Variants in C8A observed in about 807,000 individuals in gnomAD.
C8A encodes the protein complement component C8 alpha chain.
C8A carries 67 observed loss-of-function variants against 65.3 expected under a neutral mutation model. That is an observed-to-expected ratio of 1.03 (90% CI 0.84 to 1.26). The LOEUF (loss-of-function observed/expected upper bound fraction) is 1.26, where lower values mean the gene tolerates loss of function less well. C8A is among the 50% of genes most tolerant of loss of function. The pLI, the probability that C8A is intolerant of heterozygous loss-of-function variation, is 0.00. For missense variants in C8A, 781 were observed against 723.9 expected (o/e 1.08, Z -0.90); for synonymous variants, 290 against 259.4 (o/e 1.12, Z -1.13).
chr1:56,905,811 A>C (rs893449123), intron 7 of C8A, among the ~76,000 whole-genome samples: 3 of 152,142 alleles, frequency 2.0e-5, no homozygotes, highest in Non-Finnish European at 4.4e-5. Flanking sequence ...AAAAGGTTGA[A>C]CTCTGTAGCA....
At chr1:56,875,182 C>T (rs1644186556) in intron 3 of C8A, 89 bp downstream of exon 3, 3 of 1,451,492 alleles carry the variant, frequency 2.1e-6, no homozygotes, top group African/African-American at 2.8e-5. Flanking sequence ...AATGCATACT[C>T]CTGAGCCCTT....
At chr1:56,912,306 T>A in intron 9 of C8A, 97 bp from the exon 10 acceptor site, 1 of 1,070,858 alleles carries the variant, frequency 9.3e-7, no homozygotes, top group Non-Finnish European at 1.4e-6. Flanking sequence ...GTGCCTGGCA[T>A]GTATCAGGCC....
At chr1:56,866,824 A>G (rs1265113024) in intron 1 of C8A, among the ~76,000 whole-genome samples, 1 of 152,158 alleles carries the variant, frequency 6.6e-6, no homozygotes, top group Non-Finnish European at 1.5e-5. Flanking sequence ...AGGGTAAGAG[A>G]AGGATCGTGG....
intron 3 of C8A, 56 bp from the exon 4 acceptor site, chr1:56,876,006 T>A (rs952035345): frequency 6.3e-7 from 1 of 1,593,182 alleles, no homozygotes; most frequent in Admixed American, 1.7e-5. Context: ...TGATTGTGGG[T>A]GTGAGTCTGG....
At chr1:56,862,506 C>T (rs143348352) in intron 1 of C8A, among the ~76,000 whole-genome samples, 159 of 152,246 alleles carry the variant, frequency 1.0e-3, no homozygotes, top group African/African-American at 3.6e-3. Flanking sequence ...GCAGTTCATC[C>T]AAATGTATTT....
intron 1 of C8A, among the ~76,000 whole-genome samples, chr1:56,855,964 A>G (rs1007452323): frequency 2.6e-5 from 4 of 152,238 alleles, no homozygotes; most frequent in Admixed American, 2.0e-4. Flanking sequence ...AAGGCAAGAG[A>G]ACTGTGTAAA....
At chr1:56,902,516 T>A (rs1334063421) in intron 7 of C8A, among the ~76,000 whole-genome samples, 2 of 152,186 alleles carry the variant, frequency 1.3e-5, no homozygotes, top group Non-Finnish European at 2.9e-5. Context: ...TAAAAATACT[T>A]TAACATGAAA....
intron 7 of C8A, among the ~76,000 whole-genome samples, chr1:56,899,420 G>A (rs1644410134): frequency 6.6e-6 from 1 of 152,154 alleles, no homozygotes; most frequent in African/African-American, 2.4e-5. Context: ...CTGGGCAAGT[G>A]ACAAGCTATC....
At chr1:56,865,607 C>A (rs1177744897) in intron 1 of C8A, among the ~76,000 whole-genome samples, 1 of 152,082 alleles carries the variant, frequency 6.6e-6, no homozygotes, top group African/African-American at 2.4e-5. Context: ...TTTCCTGGAA[C>A]ATCATTTTTT....
At chr1:56,884,343 A>G (rs921058178) in intron 6 of C8A, among the ~76,000 whole-genome samples, 1 of 152,140 alleles carries the variant, frequency 6.6e-6, no homozygotes, top group Non-Finnish European at 1.5e-5. Context: ...AGGGTGGGAA[A>G]GGAAAACAGA....
At position 56,886,131 on chromosome 1, in the gene C8A, A is replaced by G. The variant is rs866894793; in HGVS notation, c.1060A>G (p.Ile354Val). The part of the protein sequence containing the change: ...SGSMGGIYEY[I>V]LVIDKAKMES... ...ATCCATGGGTGGCATTTATGAATATATCCTGGTGATTGACAAAGCAAAAAT... is the reference window on the plus strand; with the variant it reads ...ATCCATGGGTGGCATTTATGAATATGTCCTGGTGATTGACAAAGCAAAAAT... The change falls in exon 7 of 11, where the codon ATC (isoleucine) becomes GTC (valine). Residue 354 changes from isoleucine to valine, a missense_variant. Physicochemically the swap from Ile to Val is conservative, Grantham distance 29. Coordinates refer to ENST00000361249, the MANE Select transcript of C8A (RefSeq NM_000562.3). 1 of 1,614,008 alleles carries G rather than the reference A, an allele frequency of 6.2e-7. No homozygotes were observed.
At position 56,906,914 on chromosome 1, in the gene C8A, T is replaced by C. The variant is rs1024686627; in HGVS notation, c.1222+122T>C. The C allele has an allele frequency of 1.5e-5, 19 of 1,230,642 alleles. No individual in the cohort carries two copies. The African/African-American group carries it at 2.6e-4, about 17-fold the overall frequency. 76.2% of individuals were successfully genotyped at this position (1,230,642 alleles called of 1,614,324 possible). A position where few individuals can be genotyped will look rare whatever the true frequency, so the allele number is the denominator to read the frequency against. On this transcript the variant is annotated intron_variant, in intron 8 of 10. Coordinates refer to ENST00000361249, the MANE Select transcript of C8A (RefSeq NM_000562.3). ...CATTTTAGTCAATGATCAGACTGCATAGACGCTAAATACCCCAAAACAATG... is the reference window on the plus strand; with the variant it reads ...CATTTTAGTCAATGATCAGACTGCACAGACGCTAAATACCCCAAAACAATG...
chr1:56,914,249 G>A (rs749586215), intron 10 of C8A, among the ~76,000 whole-genome samples: 1 of 152,156 alleles, frequency 6.6e-6, no homozygotes, highest in Non-Finnish European at 1.5e-5. Context: ...AGGGATTAGG[G>A]CTTAATGAGG....
chr1:56,911,064 G>GT (rs766157695), intron 9 of C8A, among the ~76,000 whole-genome samples: 9 of 79,626 alleles, frequency 1.1e-4, no homozygotes, highest in African/African-American at 2.0e-4. Flanking sequence ...GAAAAACATG[G>GT]GTTTTTTTTT....
intron 6 of C8A, among the ~76,000 whole-genome samples, chr1:56,885,348 ATATATTTATGTAAATATATATT>A (rs1461159773): frequency 0.029 from 2,583 of 88,048 alleles, 78 homozygotes; most frequent in African/African-American, 0.035. Context: ...TTACATAAAT[ATATATTTATGTAAATATATATT>A]TATATTTATT....
intron 7 of C8A, among the ~76,000 whole-genome samples, chr1:56,893,874 A>G (rs1212442220): frequency 1.3e-5 from 2 of 152,022 alleles, no homozygotes; most frequent in Non-Finnish European, 2.9e-5. Context: ...CAGTCATGTG[A>G]CCCACAGACA....
At chr1:56,904,538 A>G (rs1452287093) in intron 7 of C8A, among the ~76,000 whole-genome samples, 1 of 152,224 alleles carries the variant, frequency 6.6e-6, no homozygotes, top group African/African-American at 2.4e-5. Flanking sequence ...TTCCTCTCAG[A>G]TGGCAGAATT....
intron 2 of C8A, among the ~76,000 whole-genome samples, chr1:56,874,400 G>T (rs973705135): frequency 1.3e-5 from 2 of 152,162 alleles, no homozygotes; most frequent in African/African-American, 4.8e-5. Flanking sequence ...AAGAAATGTT[G>T]CAAAGAAAAA....
At chr1:56,909,398 T>A (rs1644490054) in intron 9 of C8A, among the ~76,000 whole-genome samples, 2 of 152,224 alleles carry the variant, frequency 1.3e-5, no homozygotes, top group Admixed American at 6.5e-5. Context: ...AAGAAACAGG[T>A]CAGATGGATC....
Sources: allele counts gnomAD v4.1 joint callset (sites outside exome capture counted in the v4.1 genomes callset), GRCh38; gene constraint gnomAD v4.1.1; transcripts MANE v1.5; gene names NCBI Gene and HGNC (gene_info 2026-07-23, HGNC 2026-07-21).